The following GDPD1 variants were observed in gnomAD, a reference collection of about 807,000 sequenced individuals.
The protein encoded by GDPD1 is glycerophosphodiester phosphodiesterase domain containing 1.
A neutral mutation model predicts 45.1 loss-of-function variants in GDPD1; 28 were observed. The ratio of observed to expected loss-of-function variants is 0.62; its 90% CI spans 0.46 to 0.85. The LOEUF is 0.85. GDPD1 is among the 40% of genes least tolerant of loss of function. GDPD1 has a pLI of 0.00. For missense variants in GDPD1, 256 were observed against 364.8 expected (o/e 0.70, Z 2.43); for synonymous variants, 139 against 131.4 (o/e 1.06, Z -0.40).
intron 2 of GDPD1, 96 bp from the exon 3 acceptor site, chr17:59,245,318 G>A: frequency 1.2e-6 from 1 of 852,480 alleles, no homozygotes; most frequent in South Asian, 1.7e-5. Flanking sequence ...TAGTATTATG[G>A]GATTTTGGAT....
intron 9 of GDPD1, 65 bp downstream of exon 9, chr17:59,272,901 G>A (rs752671670): frequency 2.5e-6 from 4 of 1,612,310 alleles, no homozygotes; most frequent in Middle Eastern, 1.7e-4. Context: ...AAATATAAAG[G>A]GCAAGAACTT....
chr17:59,255,825 A>ATATACGTG (rs1294789268), intron 4 of GDPD1, among the ~76,000 whole-genome samples: 58 of 68,148 alleles, frequency 8.5e-4, no homozygotes, highest in South Asian at 2.2e-3. Context: ...GTATATATAT[A>ATATACGTG]TACGCGTATA....
intron 4 of GDPD1, among the ~76,000 whole-genome samples, chr17:59,255,802 T>TATATACAC (rs1555724205): frequency 2.2e-5 from 2 of 92,730 alleles, no homozygotes; most frequent in African/African-American, 1.1e-4. Flanking sequence ...TATATGTATA[T>TATATACAC]ATATATATAC....
At chr17:59,244,599 C>T (rs953272904) in intron 2 of GDPD1, among the ~76,000 whole-genome samples, 10 of 152,134 alleles carry the variant, frequency 6.6e-5, no homozygotes, top group African/African-American at 2.4e-4. Context: ...TCCCATAGTG[C>T]TGGGATTACA....
At chr17:59,264,582 G>A (rs187192064) in intron 6 of GDPD1, among the ~76,000 whole-genome samples, 139 of 152,060 alleles carry the variant, frequency 9.1e-4, no homozygotes, top group African/African-American at 3.2e-3. Context: ...GTGAGTCACC[G>A]CACCTGGCTG....
In GDPD1 at chr17:59,260,060, C is replaced by CAAAAAAAAAAAAA. The variant is rs56936442; in HGVS notation, c.576+2248_576+2260dup. Among the ~76,000 whole-genome samples, 4 of 25,852 alleles carry CAAAAAAAAAAAAA rather than the reference C, an allele frequency of 1.5e-4. 1 individual carries two copies. Among genetic ancestry groups the CAAAAAAAAAAAAA allele is most frequent in the Non-Finnish European group, 1.4e-4 (2 of 14,514 alleles). The allele number at this position is 25,852 out of a possible 152,430, so 17.0% of individuals were successfully genotyped here. A position where few individuals can be genotyped will look rare whatever the true frequency, so the allele number is the denominator to read the frequency against. On this transcript the variant is annotated intron_variant, in intron 6 of 9. Coordinates refer to ENST00000284116, the MANE Select transcript of GDPD1 (RefSeq NM_182569.4). The stretch of plus-strand genomic sequence containing the variant: ...TGGGTGACGGAGCCAGACCCTGTCT[C>CAAAAAAAAAAAAA]AAAAAAAAAAAAAAAAAAAAAAAAA...
At position 59,229,648 on chromosome 17, in the gene GDPD1, C is replaced by A. The variant is rs146348193; in HGVS notation, c.143-4844C>A. Reference sequence around the variant, plus strand: ...AAAGTGCTGGGATTACAGGCATGAGCCACCACGCCCAGCCATAAATTTTTT... The same window carrying A: ...AAAGTGCTGGGATTACAGGCATGAGACACCACGCCCAGCCATAAATTTTTT... On this transcript the variant is annotated intron_variant, in intron 1 of 9. Coordinates refer to ENST00000284116, the MANE Select transcript of GDPD1 (RefSeq NM_182569.4). Among the ~76,000 whole-genome samples, 713 of 152,250 alleles carry A rather than the reference C, an allele frequency of 4.7e-3. 3 individuals carry two copies. The highest frequency in any genetic ancestry group is 0.016 in the African/African-American group (673 of 41,544).
chr17:59,220,813 C>T (rs373945007), intron 1 of GDPD1, 62 bp downstream of exon 1: 9 of 1,565,778 alleles, frequency 5.7e-6, no homozygotes, highest in East Asian at 4.5e-5. Flanking sequence ...CTTTGCGGCT[C>T]CGCAAAAGGC....
At chr17:59,268,340 G>T (rs1238667901) in intron 7 of GDPD1, among the ~76,000 whole-genome samples, 1 of 151,882 alleles carries the variant, frequency 6.6e-6, no homozygotes, top group African/African-American at 2.4e-5. Context: ...ACTTTGGGAG[G>T]CCAAGGAGGG....
At chr17:59,223,521 T>C (rs2147871110) in intron 1 of GDPD1, among the ~76,000 whole-genome samples, 1 of 152,334 alleles carries the variant, frequency 6.6e-6, no homozygotes, top group South Asian at 2.1e-4. Context: ...CCTTTAATTT[T>C]TGTCTTCGAC....
chr17:59,273,892 T>G lies in GDPD1; in HGVS notation c.*119T>G. The stretch of plus-strand genomic sequence containing the variant: ...AAAGGTTTAATCAGTTTTTATTACC[T>G]CATTTTTAAGCCTGTATGAGAATGT... On this transcript the variant is annotated 3_prime_UTR_variant, in exon 10 of 10. Coordinates refer to ENST00000284116, the MANE Select transcript of GDPD1 (RefSeq NM_182569.4). 1 of 1,215,388 alleles carries G rather than the reference T, an allele frequency of 8.2e-7. No individual in the cohort carries two copies. Among genetic ancestry groups the G allele is most frequent in the Non-Finnish European group, 1.0e-6 (1 of 963,844 alleles). The allele number at this position is 1,215,388 out of a possible 1,614,324, so 75.3% of individuals were successfully genotyped here.
In GDPD1 at chr17:59,257,215, T is replaced by G. The variant is rs780647540; in HGVS notation, c.461T>G (p.Val154Gly). 1 of 1,592,718 alleles carries G rather than the reference T, an allele frequency of 6.3e-7. No homozygotes were observed. Among genetic ancestry groups the G allele is most frequent in the Non-Finnish European group, 8.6e-7 (1 of 1,167,376 alleles). The change falls in exon 5 of 10, where the codon GTC (valine) becomes GGC (glycine). Residue 154 changes from valine to glycine, a missense_variant. Val to Gly is a moderately radical substitution (Grantham distance 109). Transcript: ENST00000284116. ...ACTCCCATTAACATCGATATCAAAGTCAACAACAATGTGCTGATTAAGAAG... is the reference window on the plus strand; with the variant it reads ...ACTCCCATTAACATCGATATCAAAGGCAACAACAATGTGCTGATTAAGAAG... Reference protein sequence around the residue: ...PNTPINIDIKVNNNVLIKKVS... With the variant: ...PNTPINIDIKGNNNVLIKKVS...
At chr17:59,270,846 C>G in intron 7 of GDPD1, 90 bp from the exon 8 acceptor site, 1 of 794,650 alleles carries the variant, frequency 1.3e-6, no homozygotes, top group East Asian at 2.6e-5. Flanking sequence ...AAGTACAAGG[C>G]ACTGTTTTCA....
intron 1 of GDPD1, among the ~76,000 whole-genome samples, chr17:59,231,438 TG>T (rs2047089409): frequency 1.4e-5 from 2 of 147,654 alleles, no homozygotes; most frequent in South Asian, 4.4e-4. Flanking sequence ...GCCATTCTCC[TG>T]CCTCAGCCTC....
chr17:59,220,969 C>T (rs2046999504), intron 1 of GDPD1, among the ~76,000 whole-genome samples: 1 of 151,766 alleles, frequency 6.6e-6, no homozygotes, highest in African/African-American at 2.4e-5. Flanking sequence ...GCGGGGGTCT[C>T]TCGAGGGCAG....
intron 3 of GDPD1, among the ~76,000 whole-genome samples, chr17:59,246,806 C>T (rs531237657): frequency 2.6e-5 from 4 of 151,342 alleles, no homozygotes; most frequent in South Asian, 4.2e-4. Flanking sequence ...CACTTTCCAT[C>T]GCCCAGGCTG....
intron 1 of GDPD1, among the ~76,000 whole-genome samples, chr17:59,233,740 G>A (rs1168288217): frequency 6.6e-6 from 1 of 151,936 alleles, no homozygotes; most frequent in Non-Finnish European, 1.5e-5. Context: ...AATGCTTATC[G>A]GTAGCCTATA....
chr17:59,223,229 A>G (rs1219510550), intron 1 of GDPD1, among the ~76,000 whole-genome samples: 2 of 152,236 alleles, frequency 1.3e-5, no homozygotes, highest in African/African-American at 4.8e-5. Flanking sequence ...TTATTTGTAA[A>G]TGCGGCATCA....
chr17:59,255,782 TATAC>T (rs1361995549), intron 4 of GDPD1, among the ~76,000 whole-genome samples: 1 of 78,064 alleles, frequency 1.3e-5, no homozygotes, highest in African/African-American at 8.2e-5. Flanking sequence ...TATATATATA[TATAC>T]GCGTATATAT....
Sources: gnomAD v4.1 joint callset for allele counts (sites outside exome capture counted in the v4.1 genomes callset) on GRCh38, gnomAD v4.1.1 for gene constraint, MANE v1.5 for transcripts, NCBI Gene and HGNC (gene_info 2026-07-23, HGNC 2026-07-21) for gene names.